Variants in CDH4 observed in about 807,000 individuals in gnomAD.
The protein encoded by CDH4 is cadherin-4.
CDH4 carries 33 observed loss-of-function variants against 86.0 expected under a neutral mutation model. That is an observed-to-expected ratio of 0.38 (90% CI 0.29 to 0.51). The LOEUF (loss-of-function observed/expected upper bound fraction) is 0.51, where lower values mean the gene tolerates loss of function less well. CDH4 is among the 20% of genes least tolerant of loss of function. The pLI, the probability that CDH4 is intolerant of heterozygous loss-of-function variation, is 0.86. For synonymous variants in CDH4, 555 were observed against 549.4 expected, an observed-to-expected ratio of 1.01 and a Z score of -0.14; for missense variants, 1,114 against 1,307.4, an observed-to-expected ratio of 0.85 and a Z score of 2.28.
At chr20:61,553,560 T>C (rs2086151575) in intron 2 of CDH4, among the ~76,000 whole-genome samples, 1 of 152,238 alleles carries the variant, frequency 6.6e-6, no homozygotes, top group African/African-American at 2.4e-5. Flanking sequence ...TATGCATCTG[T>C]CTTGCAGGTC....
intron 2 of CDH4, among the ~76,000 whole-genome samples, chr20:61,291,464 C>T (rs1312276860): frequency 6.6e-6 from 1 of 152,234 alleles, no homozygotes; most frequent in Non-Finnish European, 1.5e-5. Flanking sequence ...TGTGTGACCC[C>T]GGACAAGCTT....
intron 2 of CDH4, among the ~76,000 whole-genome samples, chr20:61,482,185 C>T (rs535875722): frequency 4.6e-5 from 7 of 152,298 alleles, no homozygotes; most frequent in South Asian, 4.1e-4. Context: ...AATGGAGGCA[C>T]GGTTCTGTAG....
At chr20:61,892,259 C>A (rs1416910024) in intron 7 of CDH4, among the ~76,000 whole-genome samples, 1 of 152,190 alleles carries the variant, frequency 6.6e-6, no homozygotes, top group African/African-American at 2.4e-5. Flanking sequence ...AGCACCCAGG[C>A]CCCTCTGTCA....
chr20:61,572,762 C>T (rs1169138456), intron 2 of CDH4, among the ~76,000 whole-genome samples: 1 of 152,144 alleles, frequency 6.6e-6, no homozygotes, highest in Non-Finnish European at 1.5e-5. Flanking sequence ...GAAGACAGCT[C>T]CTAGAGGAAT....
At chr20:61,896,425 G>A (rs768477101) in intron 8 of CDH4, among the ~76,000 whole-genome samples, 28 of 152,216 alleles carry the variant, frequency 1.8e-4, no homozygotes, top group Non-Finnish European at 3.7e-4. Context: ...GCACCAGGCG[G>A]AGGTGGCTGT....
intron 2 of CDH4, among the ~76,000 whole-genome samples, chr20:61,305,588 C>T (rs2084412403): frequency 6.6e-6 from 1 of 152,248 alleles, no homozygotes; most frequent in Non-Finnish European, 1.5e-5. Context: ...TTTCAATTCT[C>T]TTGACCTCGG....
intron 2 of CDH4, among the ~76,000 whole-genome samples, chr20:61,372,142 A>C (rs2084844347): frequency 6.6e-6 from 1 of 152,176 alleles, no homozygotes; most frequent in African/African-American, 2.4e-5. Flanking sequence ...TTGGCCCCTA[A>C]GTGAAGCGTG....
chr20:61,350,105 A>G (rs2084702459), intron 2 of CDH4, among the ~76,000 whole-genome samples: 1 of 144,710 alleles, frequency 6.9e-6, no homozygotes, highest in African/African-American at 2.6e-5. Context: ...CGTCAGGCAG[A>G]CACCTCCCCC....
chr20:61,840,933 G>T (rs184235652), intron 4 of CDH4, among the ~76,000 whole-genome samples: 8 of 152,260 alleles, frequency 5.3e-5, no homozygotes, highest in African/African-American at 1.7e-4. Context: ...TGGCCAAAAC[G>T]TAATGAGCTT....
At chr20:61,302,704 G>A (rs530351292) in intron 2 of CDH4, among the ~76,000 whole-genome samples, 5 of 152,328 alleles carry the variant, frequency 3.3e-5, no homozygotes. Flanking sequence ...CTGAGCATGG[G>A]AGGTAGAACA....
At chr20:61,744,656 C>G (rs534111711) in intron 3 of CDH4, among the ~76,000 whole-genome samples, 122 of 152,082 alleles carry the variant, frequency 8.0e-4, no homozygotes, top group Non-Finnish European at 1.6e-3. Flanking sequence ...TCCCAGCTGC[C>G]CTCCGACTCT....
chr20:61,601,346 A>G (rs1488161301), intron 2 of CDH4, among the ~76,000 whole-genome samples: 1 of 152,124 alleles, frequency 6.6e-6, no homozygotes, highest in Non-Finnish European at 1.5e-5. Context: ...CACCTCCAAC[A>G]CTGGGGATCA....
intron 2 of CDH4, among the ~76,000 whole-genome samples, chr20:61,424,029 ACACT>A (rs754066586): frequency 1.3e-4 from 20 of 152,068 alleles, no homozygotes; most frequent in Non-Finnish European, 2.5e-4. Context: ...CAGTATCCAC[ACACT>A]CTCATATCCA....
At position 61,279,105 on chromosome 20, in the gene CDH4, A is replaced by T. The variant is rs1363161618; in HGVS notation, c.169+24168A>T. Among the ~76,000 whole-genome samples, 4 of 152,338 alleles carry T rather than the reference A, an allele frequency of 2.6e-5. No homozygotes were observed. The East Asian group carries it at 7.7e-4, about 29-fold the overall frequency. On this transcript the variant is annotated intron_variant, in intron 2 of 15. Coordinates refer to ENST00000614565, the MANE Select transcript of CDH4 (RefSeq NM_001794.5). ...AGGGATGAGAAGCCAAGTAGGCATG[A>T]CTGACGTTCCTGAGAGCTGCCCCAT...
At chr20:61,599,931 A>G in intron 2 of CDH4, 1 of 985,564 alleles carries the variant, frequency 1.0e-6, no homozygotes, top group Non-Finnish European at 1.2e-6. Context: ...AGTCCCAGCC[A>G]CAGGGTAGAG....
chr20:61,321,914 A>G (rs1056572675), intron 2 of CDH4, among the ~76,000 whole-genome samples: 3 of 151,410 alleles, frequency 2.0e-5, no homozygotes, highest in African/African-American at 7.3e-5. Context: ...TAAGAATAAT[A>G]TATTGTAGCA....
chr20:61,277,281 T>C (rs951197484), intron 2 of CDH4, among the ~76,000 whole-genome samples: 6 of 152,248 alleles, frequency 3.9e-5, no homozygotes, highest in Non-Finnish European at 8.8e-5. Context: ...TCCACCTCTT[T>C]TGTCTCAGTT....
chr20:61,340,184 T>C (rs1180936729), intron 2 of CDH4, among the ~76,000 whole-genome samples: 6 of 152,012 alleles, frequency 3.9e-5, no homozygotes, highest in Non-Finnish European at 7.4e-5. Flanking sequence ...GAAGGGGAGC[T>C]AGCAAGGGAG....
chr20:61,651,717 AT>A (rs1296590573), intron 2 of CDH4, among the ~76,000 whole-genome samples: 1 of 152,096 alleles, frequency 6.6e-6, no homozygotes, highest in Admixed American at 6.5e-5. Context: ...ATTCCCAATT[AT>A]TTTTTTATCT....
Sources: allele counts gnomAD v4.1 joint callset (sites outside exome capture counted in the v4.1 genomes callset), GRCh38; gene constraint gnomAD v4.1.1; transcripts MANE v1.5; gene names NCBI Gene and HGNC (gene_info 2026-07-23, HGNC 2026-07-21).